The following ERVMER34-1 variants were observed in gnomAD, a reference collection of about 807,000 sequenced individuals.
ERVMER34-1 encodes the protein endogenous retroviral envelope protein HEMO.
For synonymous variants in ERVMER34-1, 199 were observed against 111.7 expected, an observed-to-expected ratio of 1.78 and a Z score of -4.93; for missense variants, 471 against 295.1, an observed-to-expected ratio of 1.60 and a Z score of -4.37.
Position 52,743,768 on chromosome 4 carries a change from C to T in ERVMER34-1, c.*61G>A. 3 of 1,424,108 alleles carry T rather than the reference C, an allele frequency of 2.1e-6. No homozygotes were observed. The South Asian group carries it at 4.5e-5, about 22-fold the overall frequency. 88.2% of individuals were successfully genotyped at this position (1,424,108 alleles called of 1,614,324 possible). Reference sequence around the variant, plus strand: ...GCAGCTGAATTCTCGGTAAGACCTGCTTTACTCATCAAAGTTTAGCTAAGG... The same window carrying T: ...GCAGCTGAATTCTCGGTAAGACCTGTTTTACTCATCAAAGTTTAGCTAAGG... On this transcript the variant is annotated 3_prime_UTR_variant, in exon 3 of 3. Transcript: ENST00000443173.
Position 52,743,973 on chromosome 4 carries a change from G to T in ERVMER34-1, c.1548C>A (p.Arg516=). Reference sequence around the variant, plus strand: ...TCAGAGGTTGGGAGTTAAGGGATCTGCGAGATTTGCGAAAGACACGAACAT... The same window carrying T: ...TCAGAGGTTGGGAGTTAAGGGATCTTCGAGATTTGCGAAAGACACGAACAT... The part of the protein sequence containing the change: ...LIYVRVFRKS[R]RSLNSQPLNL... Residue 516 remains arginine (R), a synonymous_variant, in exon 3 of 3, where the codon CGC becomes CGA. Coordinates refer to ENST00000443173, the MANE Select transcript of ERVMER34-1 (RefSeq NM_001242690.2). The T allele has an allele frequency of 1.2e-6, 1 of 813,862 alleles. No individual in the cohort carries two copies. Among genetic ancestry groups the T allele is most frequent in the Non-Finnish European group, 2.1e-6 (1 of 485,506 alleles). The allele number at this position is 813,862 out of a possible 1,614,324, so 50.4% of individuals were successfully genotyped here.
chr4:52,744,687 G>C lies in ERVMER34-1; in HGVS notation c.834C>G (p.Thr278=). Residue 278 remains threonine, a synonymous_variant, in exon 3 of 3, where the codon ACC becomes ACG. Transcript: ENST00000443173. ...TNDKGHDGHR[T]PTWWLTGSNL... ...TGGAACCTGTGAGCCACCAGGTGGG[G>C]GTCCGGTGTCCATCATGACCTTTGT... 1.4e-6 allele frequency: 1 copy of C among 704,112 alleles called. No homozygotes were observed. The highest frequency in any genetic ancestry group is 2.3e-4 in the Middle Eastern group (1 of 4,370). The allele number at this position is 704,112 out of a possible 1,614,324, so 43.6% of individuals were successfully genotyped here. A position where few individuals can be genotyped will look rare whatever the true frequency, so the allele number is the denominator to read the frequency against.
intron 2 of ERVMER34-1, among the ~76,000 whole-genome samples, chr4:52,749,346 A>C (rs1379624388): frequency 6.6e-6 from 1 of 152,064 alleles, no homozygotes; most frequent in Non-Finnish European, 1.5e-5. Flanking sequence ...GTGCCTTTCT[A>C]CTTGACAGAC....
chr4:52,744,987 G>A lies in ERVMER34-1; in HGVS notation c.534C>T (p.Cys178=). 1 of 704,170 alleles carries A rather than the reference G, an allele frequency of 1.4e-6. No individual in the cohort carries two copies. Among genetic ancestry groups the A allele is most frequent in the East Asian group, 2.7e-5 (1 of 37,288 alleles). The allele number at this position is 704,170 out of a possible 1,614,324, so 43.6% of individuals were successfully genotyped here. ...SRNDDDDTSV[C]LGTRQCSWFA... ...ACCAGGAACATTGTCTAGTGCCTAGGCAAACACTTGTATCATCATCATCGT... is the reference window on the plus strand; with the variant it reads ...ACCAGGAACATTGTCTAGTGCCTAGACAAACACTTGTATCATCATCATCGT... The change falls in exon 3 of 3, where the codon TGC becomes TGT. Residue 178 remains cysteine (C), a synonymous_variant. Transcript: ENST00000443173.
At chr4:52,747,768 T>C (rs1350874445) in intron 2 of ERVMER34-1, among the ~76,000 whole-genome samples, 1 of 152,224 alleles carries the variant, frequency 6.6e-6, no homozygotes, top group African/African-American at 2.4e-5. Context: ...CCGGGCACAG[T>C]GGCTCATGCC....
At chr4:52,747,122 G>A (rs941073109) in intron 2 of ERVMER34-1, among the ~76,000 whole-genome samples, 4 of 151,962 alleles carry the variant, frequency 2.6e-5, no homozygotes, top group African/African-American at 4.8e-5. Context: ...CCAGCTACTC[G>A]GGAGACTGAG....
chr4:52,745,604 A>G lies in ERVMER34-1; in HGVS notation c.-84T>C. 1.6e-6 allele frequency: 1 copy of G among 631,836 alleles called. No homozygotes were observed. The highest frequency in any genetic ancestry group is 2.6e-5 in the Admixed American group (1 of 38,760). The allele number at this position is 631,836 out of a possible 1,614,324, so 39.1% of individuals were successfully genotyped here. ...AGGGGAGGGTTTTGTTTAAATTTCT[A>G]AGTCAGAGAATTTTCCAGGTTGAGG... On this transcript the variant is annotated 5_prime_UTR_variant, in exon 3 of 3. Transcript: ENST00000443173.
intron 2 of ERVMER34-1, among the ~76,000 whole-genome samples, chr4:52,750,496 C>T (rs1181276855): frequency 6.6e-6 from 1 of 152,158 alleles, no homozygotes; most frequent in Non-Finnish European, 1.5e-5. Context: ...GACTCCCTGT[C>T]TCTCCTCCAC....
In ERVMER34-1 at chr4:52,751,043, C is replaced by T. The variant is rs1392632887; in HGVS notation, c.-537G>A. ...GCCGCACGCGTGGCCCGCCCGAAAC[C>T]CGCTACAAAGTAGCGGCGTGTCTGC... On this transcript the variant is annotated 5_prime_UTR_variant, in exon 2 of 3. Transcript: ENST00000443173. 1 of 152,382 alleles carries T rather than the reference C, an allele frequency of 6.6e-6. No individual in the cohort carries two copies. The highest frequency in any genetic ancestry group is 1.5e-5 in the Non-Finnish European group (1 of 68,198). 9.4% of individuals were successfully genotyped at this position (152,382 alleles called of 1,614,324 possible).
At chr4:52,749,229 G>A (rs1222117272) in intron 2 of ERVMER34-1, among the ~76,000 whole-genome samples, 2 of 152,144 alleles carry the variant, frequency 1.3e-5, no homozygotes, top group Non-Finnish European at 2.9e-5. Context: ...TGCCTATGTA[G>A]TGACCTCAGC....
At chr4:52,749,029 T>TA (rs1032105665) in intron 2 of ERVMER34-1, among the ~76,000 whole-genome samples, 8 of 151,932 alleles carry the variant, frequency 5.3e-5, no homozygotes, top group South Asian at 2.1e-4. Flanking sequence ...CTTCCTTTTT[T>TA]AAAAAAAATT....
chr4:52,751,143 G>T (rs1469010342), intron 1 of ERVMER34-1, 74 bp from the exon 2 acceptor site: 1 of 152,206 alleles, frequency 6.6e-6, no homozygotes, highest in East Asian at 1.9e-4. Context: ...TCCGCAGGAC[G>T]CAGCGCCTGT....
chr4:52,748,500 T>C (rs978167196), intron 2 of ERVMER34-1, among the ~76,000 whole-genome samples: 1 of 152,188 alleles, frequency 6.6e-6, no homozygotes, highest in African/African-American at 2.4e-5. Context: ...ACATTTGAAC[T>C]GTTACCTACT....
In ERVMER34-1 at chr4:52,745,466, T is replaced by C. The variant is rs930151258; in HGVS notation, c.55A>G (p.Thr19Ala). Residue 19 changes from threonine to alanine, a missense_variant, in exon 3 of 3, where the codon ACA becomes GCA. Coordinates refer to ENST00000443173, the MANE Select transcript of ERVMER34-1 (RefSeq NM_001242690.2). ...AGGTGCTGAGGTTGTACTAGAATTGTCAAAAAAGCAGTAAGGGTTAGTTGA... is the reference window on the plus strand; with the variant it reads ...AGGTGCTGAGGTTGTACTAGAATTGCCAAAAAAGCAGTAAGGGTTAGTTGA... ...LLQLTLTAFLTILVQPQHLLA... is the reference protein window; with the variant it reads ...LLQLTLTAFLAILVQPQHLLA... 1.3e-5 allele frequency: 9 copies of C among 703,904 alleles called. No individual in the cohort carries two copies. Among genetic ancestry groups the C allele is most frequent in the African/African-American group, 1.0e-4 (6 of 57,216 alleles). The allele number at this position is 703,904 out of a possible 1,614,324, so 43.6% of individuals were successfully genotyped here.
rs1333985309 is a variant in ERVMER34-1, at chr4:52,745,714, T to C, written c.-194A>G. The C allele has an allele frequency of 5.2e-6, 3 of 582,494 alleles. No individual in the cohort carries two copies. Among genetic ancestry groups the C allele is most frequent in the Non-Finnish European group, 9.1e-6 (3 of 327,968 alleles). The allele number at this position is 582,494 out of a possible 1,614,324, so 36.1% of individuals were successfully genotyped here. On this transcript the variant is annotated 5_prime_UTR_variant, in exon 3 of 3. It removes an upstream start codon present in the reference 5' UTR. Transcript: ENST00000443173. ...TAAAGCTGTCTACTTCATCTGCTCA[T>C]GGAGCCTGTGAGTAGGTGCCAAAAT...
rs1297615782 is a variant in ERVMER34-1, at chr4:52,745,291, T to C, written c.230A>G (p.Tyr77Cys). Reference sequence around the variant, plus strand: ...TGCTTGTGGATACCACACCCTTTCATACATCCATTGTCCAGAATAGGTCCA... The same window carrying C: ...TGCTTGTGGATACCACACCCTTTCACACATCCATTGTCCAGAATAGGTCCA... ...TWWTYSGQWM[Y>C]ERVWYPQAEV... Residue 77 changes from tyrosine (Y) to cysteine (C), a missense_variant, in exon 3 of 3, where the codon TAT becomes TGT. Physicochemically the swap from Tyr to Cys is radical, Grantham distance 194. Coordinates refer to ENST00000443173, the MANE Select transcript of ERVMER34-1 (RefSeq NM_001242690.2). 1.4e-5 allele frequency: 10 copies of C among 703,910 alleles called. No individual in the cohort carries two copies. The highest frequency in any genetic ancestry group is 2.6e-5 in the Non-Finnish European group (10 of 385,008). 43.6% of individuals were successfully genotyped at this position (703,910 alleles called of 1,614,324 possible). A position where few individuals can be genotyped will look rare whatever the true frequency, so the allele number is the denominator to read the frequency against.
intron 2 of ERVMER34-1, chr4:52,748,163 A>T (rs55927771): frequency 0.012 from 2,708 of 230,146 alleles, 89 homozygotes; most frequent in African/African-American, 0.057. Context: ...GACACAGTGC[A>T]TTAAGCAGAA....
Position 52,745,087 on chromosome 4 carries a change from CAG to C in ERVMER34-1, c.432_433del (p.Tyr144Ter). ...AGAATCAAACCATAGTATTTGATTACAGTATTGTTTAGGTATATTACCTAGGA... is the reference window on the plus strand; with the variant it reads ...AGAATCAAACCATAGTATTTGATTACTATTGTTTAGGTATATTACCTAGGA... On this transcript the variant is annotated stop_gained and frameshift_variant, in exon 3 of 3. Transcript: ENST00000443173. LOFTEE classifies it low-confidence loss of function (END_TRUNC). 1 of 704,120 alleles carries C rather than the reference CAG, an allele frequency of 1.4e-6. No homozygotes were observed. Among genetic ancestry groups the C allele is most frequent in the Non-Finnish European group, 2.6e-6 (1 of 384,988 alleles). The allele number at this position is 704,120 out of a possible 1,614,324, so 43.6% of individuals were successfully genotyped here.
At chr4:52,746,342 C>A (rs1168137519) in intron 2 of ERVMER34-1, among the ~76,000 whole-genome samples, 1 of 152,084 alleles carries the variant, frequency 6.6e-6, no homozygotes, top group East Asian at 1.9e-4. Context: ...TTTATAAGGA[C>A]CAAGGGTAAT....
Sources: allele counts gnomAD v4.1 joint callset (sites outside exome capture counted in the v4.1 genomes callset), GRCh38; gene constraint gnomAD v4.1.1; transcripts MANE v1.5; gene names NCBI Gene and HGNC (gene_info 2026-07-23, HGNC 2026-07-21).